Variants in SYNE1 observed in about 807,000 individuals in gnomAD.
SYNE1 encodes the protein spectrin repeat containing nuclear envelope protein 1.
SYNE1 carries 616 observed loss-of-function variants against 1,111.0 expected under a neutral mutation model. The ratio of observed to expected loss-of-function variants is 0.55; its 90% confidence interval spans 0.52 to 0.59. SYNE1 has a LOEUF of 0.59. SYNE1 is among the 20% of genes least tolerant of loss of function. The pLI is 0.00. For missense variants in SYNE1, 10,006 were observed against 10,417.0 expected, an observed-to-expected ratio of 0.96 and a Z score of 1.72; for synonymous variants, 3,855 against 3,825.8, an observed-to-expected ratio of 1.01 and a Z score of -0.28.
intron 56 of SYNE1, 64 bp from the exon 57 acceptor site, chr6:152,376,976 C>T: frequency 6.4e-7 from 1 of 1,574,770 alleles, no homozygotes; most frequent in Non-Finnish European, 8.7e-7. Context: ...TATCTTCACA[C>T]TATACATGCA....
rs5880969 is a variant in SYNE1, at chr6:152,364,453, C to CTTT, written c.10145+391_10145+393dup. 3.7e-3 allele frequency among the ~76,000 whole-genome samples: 544 copies of CTTT among 148,072 alleles called. 2 individuals are homozygous for CTTT. Among genetic ancestry groups the CTTT allele is most frequent in the South Asian group, 5.1e-3 (24 of 4,674 alleles). ...ATCCTTATATTTTTACATTATGAATCTTTTTTTTTTTGTATTTTTATGTTA... is the reference window on the plus strand; with the variant it reads ...ATCCTTATATTTTTACATTATGAATCTTTTTTTTTTTTTTGTATTTTTATGTTA... On this transcript the variant is annotated intron_variant, in intron 63 of 145. Coordinates refer to ENST00000367255, the MANE Select transcript of SYNE1 (RefSeq NM_182961.4).
chr6:152,533,110 T>C (rs1376821128), intron 4 of SYNE1, among the ~76,000 whole-genome samples: 1 of 152,190 alleles, frequency 6.6e-6, no homozygotes, highest in African/African-American at 2.4e-5. Context: ...TAATTGAATG[T>C]TTCCAATATC....
chr6:152,317,407 G>T (rs565339367), intron 86 of SYNE1, among the ~76,000 whole-genome samples: 1 of 151,512 alleles, frequency 6.6e-6, no homozygotes, highest in South Asian at 2.1e-4. Flanking sequence ...ATCTTTTGTA[G>T]GTTTCACCAT....
chr6:152,353,514 G>A lies in SYNE1; in HGVS notation c.11082+75C>T. 36 of 1,611,106 alleles carry A rather than the reference G, an allele frequency of 2.2e-5. No individual in the cohort carries two copies. In the South Asian group the frequency reaches 3.4e-4, roughly 15 times the overall value. On this transcript the variant is annotated intron_variant, in intron 68 of 145. Coordinates refer to ENST00000367255, the MANE Select transcript of SYNE1 (RefSeq NM_182961.4). ...TGTTGATGAATATGTATCTTCACTG[G>A]ATGTTAGTGAAAGGAAGGCTATTTT...
chr6:152,161,671 G>A (rs1036883638), intron 131 of SYNE1, among the ~76,000 whole-genome samples: 1 of 151,756 alleles, frequency 6.6e-6, no homozygotes, highest in South Asian at 2.1e-4. Flanking sequence ...AAGTGGTGAG[G>A]ATTCTTGCCT....
At chr6:152,630,931 A>G (rs964568750) in intron 2 of SYNE1, among the ~76,000 whole-genome samples, 2 of 152,186 alleles carry the variant, frequency 1.3e-5, no homozygotes, top group Admixed American at 6.5e-5. Context: ...TTAAACTCAG[A>G]ATTTCCCTGC....
At chr6:152,272,918 G>C (rs989636002) in intron 98 of SYNE1, among the ~76,000 whole-genome samples, 4 of 152,072 alleles carry the variant, frequency 2.6e-5, no homozygotes, top group African/African-American at 9.7e-5. Flanking sequence ...TACATAAAGG[G>C]ACATGATCCT....
At chr6:152,349,670 A>C (rs1472425093) in intron 72 of SYNE1, among the ~76,000 whole-genome samples, 2 of 152,202 alleles carry the variant, frequency 1.3e-5, no homozygotes, top group East Asian at 3.9e-4. Context: ...GAAGTGCTTG[A>C]GACTCAGACC....
rs1419574679 is a variant in SYNE1, at chr6:152,156,071, G to A, written c.23817C>T (p.His7939=). The A allele has an allele frequency of 2.5e-6, 4 of 1,614,056 alleles. No homozygotes were observed. In the African/African-American group the frequency reaches 5.3e-5, roughly 22 times the overall value. Residue 7939 remains histidine, a synonymous_variant, in exon 132 of 146, where the codon CAC becomes CAT. Transcript: ENST00000367255. ...QQELQRDIEK[H]STGVASVLNL... ...TGAGGACAGATGCAACACCTGTACT[G>A]TGCTTCTCTATGTCTCTCTGAAGCT...
intron 11 of SYNE1, among the ~76,000 whole-genome samples, chr6:152,496,805 C>T (rs928890545): frequency 1.3e-5 from 2 of 152,182 alleles, no homozygotes; most frequent in African/African-American, 4.8e-5. Flanking sequence ...GCTGAGGCAA[C>T]TGAAGAACCA....
chr6:152,367,528 T>C lies in SYNE1; in HGVS notation c.9808-146A>G. On this transcript the variant is annotated intron_variant, in intron 61 of 145. Transcript: ENST00000367255. ...AAGTCTGGCCTAAATCTATGAGATA[T>C]GTTAAAGATCTTTCTAAATCATAAA... 4 of 893,182 alleles carry C rather than the reference T, an allele frequency of 4.5e-6. No individual in the cohort carries two copies. In the Admixed American group the frequency reaches 5.6e-5, roughly 12 times the overall value. The allele number at this position is 893,182 out of a possible 1,614,324, so 55.3% of individuals were successfully genotyped here. A position where few individuals can be genotyped will look rare whatever the true frequency, so the allele number is the denominator to read the frequency against.
At chr6:152,491,539 A>G (rs544108470) in intron 11 of SYNE1, among the ~76,000 whole-genome samples, 1 of 151,968 alleles carries the variant, frequency 6.6e-6, no homozygotes, top group Admixed American at 6.6e-5. Context: ...TTACTGCCTT[A>G]TTTTCTTCTG....
Position 152,483,085 on chromosome 6 carries a change from C to T in SYNE1, c.1350G>A (p.Lys450=). 1 of 1,614,174 alleles carries T rather than the reference C, an allele frequency of 6.2e-7. No homozygotes were observed. Among genetic ancestry groups the T allele is most frequent in the Middle Eastern group, 1.6e-4 (1 of 6,062 alleles). The change falls in exon 14 of 146, where the codon AAG becomes AAA. Residue 450 remains lysine, a splice_region_variant and synonymous_variant. Coordinates refer to ENST00000367255, the MANE Select transcript of SYNE1 (RefSeq NM_182961.4). The part of the protein sequence containing the change: ...NTIQRKLEQH[K]DLLQNTDAHK... Reference sequence around the variant, plus strand: ...AAGGTTTTCCAACCAGAATTTTTACCTTATGTTGCTCAAGTTTCCGTTGTA... The same window carrying T: ...AAGGTTTTCCAACCAGAATTTTTACTTTATGTTGCTCAAGTTTCCGTTGTA...
chr6:152,379,279 C>T (rs1019114045), intron 56 of SYNE1, among the ~76,000 whole-genome samples: 1 of 152,034 alleles, frequency 6.6e-6, no homozygotes, highest in African/African-American at 2.4e-5. Context: ...TGCATCTTTC[C>T]ACCTTATACA....
At chr6:152,362,145 A>G (rs1362507060) in intron 64 of SYNE1, 25 bp downstream of exon 64, 1 of 1,614,164 alleles carries the variant, frequency 6.2e-7, no homozygotes, top group Non-Finnish European at 8.5e-7. Flanking sequence ...GAGAAAACAC[A>G]TGGAATCTGA....
chr6:152,392,100 G>A (rs1313751057), intron 51 of SYNE1, among the ~76,000 whole-genome samples: 1 of 152,110 alleles, frequency 6.6e-6, no homozygotes, highest in Non-Finnish European at 1.5e-5. Context: ...CAGGGTGGGT[G>A]GGGATTGTGG....
At chr6:152,521,620 G>GA (rs1368693864) in intron 5 of SYNE1, among the ~76,000 whole-genome samples, 8 of 152,056 alleles carry the variant, frequency 5.3e-5, no homozygotes, top group Non-Finnish European at 7.4e-5. Context: ...CAGCAGCAAT[G>GA]GGGACTTCTC....
intron 3 of SYNE1, among the ~76,000 whole-genome samples, chr6:152,554,518 C>A (rs2099358596): frequency 6.6e-6 from 1 of 152,126 alleles, no homozygotes; most frequent in Non-Finnish European, 1.5e-5. Flanking sequence ...TTGAGGCAGC[C>A]AATCATGGAG....
intron 39 of SYNE1, 100 bp downstream of exon 39, chr6:152,425,281 G>T: frequency 7.8e-7 from 1 of 1,276,992 alleles, no homozygotes; most frequent in Non-Finnish European, 1.1e-6. Flanking sequence ...GTGAGTAGTT[G>T]AGTTAAATAA....
Sources: allele counts gnomAD v4.1 joint callset (sites outside exome capture counted in the v4.1 genomes callset), GRCh38; gene constraint gnomAD v4.1.1; transcripts MANE v1.5; gene names NCBI Gene and HGNC (gene_info 2026-07-23, HGNC 2026-07-21).